GRM7: variants seen among roughly 807,000 people sequenced by gnomAD.
GRM7 encodes the protein metabotropic glutamate receptor 7.
A neutral mutation model predicts 84.5 loss-of-function variants in GRM7; 35 were observed. That is an observed-to-expected ratio of 0.41 (90% CI 0.32 to 0.55). The LOEUF (loss-of-function observed/expected upper bound fraction) is 0.55. Ranked by LOEUF, GRM7 falls within the 20% of genes least tolerant of loss-of-function variation. GRM7 has a pLI of 0.19. For synonymous variants in GRM7, 487 were observed against 455.1 expected (o/e 1.07, Z -0.89); for missense variants, 1,003 against 1,194.6 (o/e 0.84, Z 2.36).
At chr3:7,097,753 A>G (rs1191356161) in intron 1 of GRM7, among the ~76,000 whole-genome samples, 2 of 152,098 alleles carry the variant, frequency 1.3e-5, no homozygotes, top group African/African-American at 4.8e-5. Context: ...AGATTGGCAA[A>G]TTCAATAGTT....
chr3:7,381,852 G>C (rs1327069134), intron 4 of GRM7, among the ~76,000 whole-genome samples: 1 of 152,096 alleles, frequency 6.6e-6, no homozygotes, highest in Non-Finnish European at 1.5e-5. Context: ...TTTCTGAGTT[G>C]AAGGCACATT....
At chr3:6,906,343 C>A (rs1029361743) in intron 1 of GRM7, among the ~76,000 whole-genome samples, 2 of 152,012 alleles carry the variant, frequency 1.3e-5, no homozygotes, top group Admixed American at 1.3e-4. Flanking sequence ...GTGGGTGGCC[C>A]AGGGATGAGG....
chr3:7,198,147 T>TA (rs1249726285), intron 2 of GRM7, among the ~76,000 whole-genome samples: 3 of 115,038 alleles, frequency 2.6e-5, no homozygotes, highest in Admixed American at 2.5e-4. Context: ...GAATAAAGGA[T>TA]AAAATGTTAA....
intron 7 of GRM7, among the ~76,000 whole-genome samples, chr3:7,544,461 C>A (rs1381653322): frequency 6.6e-6 from 1 of 152,120 alleles, no homozygotes; most frequent in Non-Finnish European, 1.5e-5. Flanking sequence ...TAGCACCCAA[C>A]CTGCAGGGCC....
At chr3:7,458,260 C>T (rs941495124) in intron 6 of GRM7, among the ~76,000 whole-genome samples, 1 of 152,082 alleles carries the variant, frequency 6.6e-6, no homozygotes, top group African/African-American at 2.4e-5. Flanking sequence ...GTCAGGTGAC[C>T]CTATTTCTTT....
rs186936056 is a variant in GRM7, at chr3:7,618,585, A to G, written c.2451+39228A>G. On this transcript the variant is annotated intron_variant, in intron 8 of 9. Transcript: ENST00000357716. ...GCCATTTGTGACTTTAAGGAACCCA[A>G]TCATCACAAATTGAGTGAGAGTGGA... Among the ~76,000 whole-genome samples, 333 of 152,212 alleles carry G rather than the reference A, an allele frequency of 2.2e-3. 2 individuals carry two copies. Among genetic ancestry groups the G allele is most frequent in the African/African-American group, 7.7e-3 (320 of 41,548 alleles).
At chr3:7,107,020 A>T (rs1320016794) in intron 1 of GRM7, among the ~76,000 whole-genome samples, 2 of 152,042 alleles carry the variant, frequency 1.3e-5, no homozygotes, top group East Asian at 3.9e-4. Context: ...TAGAAAAAAG[A>T]TACCTTTTTA....
At chr3:7,310,866 TTC>T (rs1348253184) in intron 4 of GRM7, among the ~76,000 whole-genome samples, 1 of 152,160 alleles carries the variant, frequency 6.6e-6, no homozygotes, top group African/African-American at 2.4e-5. Context: ...ACTCTCTTTT[TTC>T]TCTCTTCCCT....
intron 1 of GRM7, among the ~76,000 whole-genome samples, chr3:6,975,628 T>C (rs549263054): frequency 5.3e-5 from 8 of 152,362 alleles, no homozygotes; most frequent in South Asian, 4.1e-4. Flanking sequence ...TGCTTACCTT[T>C]ATTTTATATG....
intron 4 of GRM7, among the ~76,000 whole-genome samples, chr3:7,331,312 T>C (rs1046975175): frequency 5.3e-5 from 8 of 152,114 alleles, no homozygotes; most frequent in African/African-American, 1.9e-4. Flanking sequence ...AAGAGTGTCA[T>C]GATGGAGAAG....
intron 8 of GRM7, among the ~76,000 whole-genome samples, chr3:7,646,385 G>A (rs1210235640): frequency 6.6e-6 from 1 of 152,126 alleles, no homozygotes; most frequent in Middle Eastern, 3.4e-3. Context: ...GTAGAGAGGG[G>A]GTTTCACCAT....
chr3:7,275,041 C>T (rs1029026180), intron 2 of GRM7, among the ~76,000 whole-genome samples: 17 of 152,114 alleles, frequency 1.1e-4, no homozygotes, highest in Middle Eastern at 3.4e-3. Context: ...GATATGCTTA[C>T]GCTCAAATAT....
intron 1 of GRM7, among the ~76,000 whole-genome samples, chr3:6,913,124 T>A (rs1696827933): frequency 2.0e-5 from 3 of 152,292 alleles, no homozygotes; most frequent in African/African-American, 7.2e-5. Context: ...AAGAAATATA[T>A]CTTGTAACTC....
intron 1 of GRM7, among the ~76,000 whole-genome samples, chr3:7,142,883 C>G (rs995521137): frequency 1.3e-5 from 2 of 151,988 alleles, no homozygotes; most frequent in African/African-American, 4.8e-5. Flanking sequence ...AAAACCATTC[C>G]TGTGCAATAG....
chr3:7,598,600 A>G (rs958194791), intron 8 of GRM7, among the ~76,000 whole-genome samples: 2 of 152,234 alleles, frequency 1.3e-5, no homozygotes, highest in Admixed American at 6.5e-5. Flanking sequence ...GTTGTCCTTT[A>G]TAAGAAAATA....
chr3:7,718,815 G>A (rs945341066), intron 9 of GRM7, among the ~76,000 whole-genome samples: 2 of 152,230 alleles, frequency 1.3e-5, no homozygotes, highest in Middle Eastern at 3.4e-3. Flanking sequence ...TTTTTCAGAC[G>A]TCACTGCCTC....
rs1197438960 is a variant in GRM7 at position 6,925,196 on chromosome 3, C to T, written c.519+63289C>T. On this transcript the variant is annotated intron_variant, in intron 1 of 9. Transcript: ENST00000357716. Reference sequence around the variant, plus strand: ...CATTTCATGCTTTACTCTATATAGGCATTTAATAGTTTGTCTTCCACATAT... The same window carrying T: ...CATTTCATGCTTTACTCTATATAGGTATTTAATAGTTTGTCTTCCACATAT... Among the ~76,000 whole-genome samples, 4 of 152,128 alleles carry T rather than the reference C, an allele frequency of 2.6e-5. No homozygotes were observed. In the East Asian group the frequency reaches 7.7e-4, roughly 29 times the overall value.
chr3:6,970,526 A>G (rs1273712627), intron 1 of GRM7, among the ~76,000 whole-genome samples: 1 of 152,238 alleles, frequency 6.6e-6, no homozygotes, highest in Non-Finnish European at 1.5e-5. Flanking sequence ...ACCTAGCCTT[A>G]GCAGCTATGG....
chr3:6,920,501 C>T (rs1193941110), intron 1 of GRM7, among the ~76,000 whole-genome samples: 4 of 151,106 alleles, frequency 2.6e-5, no homozygotes, highest in Non-Finnish European at 4.4e-5. Context: ...GCTGCATGAG[C>T]TGAGAGATTG....
Sources: allele counts gnomAD v4.1 joint callset (sites outside exome capture counted in the v4.1 genomes callset), GRCh38; gene constraint gnomAD v4.1.1; transcripts MANE v1.5; gene names NCBI Gene and HGNC (gene_info 2026-07-23, HGNC 2026-07-21).